DNAH3: variants seen among roughly 807,000 people sequenced by gnomAD.
DNAH3 encodes the protein axonemal beta dynein heavy chain 3.
A neutral mutation model predicts 432.5 loss-of-function variants in DNAH3; 332 were observed. That is an observed-to-expected ratio of 0.77 (90% CI 0.70 to 0.84). The LOEUF (loss-of-function observed/expected upper bound fraction) is 0.84. DNAH3 is among the 40% of genes least tolerant of loss of function. DNAH3 has a pLI of 0.00. For missense variants in DNAH3, 4,861 were observed against 5,114.0 expected (o/e 0.95, Z 1.51); for synonymous variants, 1,956 against 1,900.2 (o/e 1.03, Z -0.76).
chr16:20,948,568 A>G (rs2084162519), exon 57 of DNAH3: 1 of 1,614,140 alleles, frequency 6.2e-7, no homozygotes, highest in East Asian at 2.2e-5. Context: ...ACAGTAGAAC[A>G]TGGACAGAAG....
rs543692940 is a variant in DNAH3 at position 21,061,601 on chromosome 16, A to T, written c.3720+881T>A. ...AGAAGGCAAATGAAACATTTATGTC[A>T]GTTCATAAAATAAATTGCATCTTTT... On this transcript the variant is annotated intron_variant, in intron 25 of 61. Transcript: ENST00000261383. Among the ~76,000 whole-genome samples the T allele has an allele frequency of 4.6e-5, 7 of 152,336 alleles. No individual in the cohort carries two copies. In the South Asian group the frequency reaches 1.0e-3, roughly 23 times the overall value.
chr16:21,081,539 A>T, intron 20 of DNAH3, 97 bp downstream of exon 20: 1 of 1,003,604 alleles, frequency 1.0e-6, no homozygotes, highest in East Asian at 2.5e-5. Flanking sequence ...ACAAGGAAAA[A>T]AAAACAAACA....
chr16:21,033,119 CCT>C (rs1455334506), intron 36 of DNAH3, among the ~76,000 whole-genome samples: 2 of 152,074 alleles, frequency 1.3e-5, no homozygotes, highest in African/African-American at 2.4e-5. Flanking sequence ...GGTGTGAGCC[CCT>C]GTTCCCTGCC....
intron 28 of DNAH3, 107 bp from the exon 29 acceptor site, chr16:21,051,975 A>T: frequency 1.2e-6 from 1 of 842,100 alleles, no homozygotes; most frequent in Non-Finnish European, 1.9e-6. Context: ...CCATTCTCCA[A>T]ACTATTTTAT....
chr16:21,153,971 T>G (rs1212462121), intron 1 of DNAH3, among the ~76,000 whole-genome samples: 2 of 152,198 alleles, frequency 1.3e-5, no homozygotes, highest in Non-Finnish European at 2.9e-5. Flanking sequence ...CGGTTTCAAA[T>G]AGCATTTGGA....
chr16:21,143,307 G>GT (rs111935322), intron 3 of DNAH3, among the ~76,000 whole-genome samples: 5,775 of 152,216 alleles, frequency 0.038, 176 homozygotes, highest in East Asian at 0.18. Context: ...AGGTGACTAG[G>GT]TCATGAGGGC....
chr16:20,972,285 G>C (rs1181204710), intron 51 of DNAH3, among the ~76,000 whole-genome samples: 2 of 151,070 alleles, frequency 1.3e-5, no homozygotes, highest in African/African-American at 4.9e-5. Flanking sequence ...CCAGGCTAGA[G>C]TGCAGTGGTG....
At chr16:20,953,163 GT>G (rs71149202) in intron 55 of DNAH3, among the ~76,000 whole-genome samples, 91 of 143,654 alleles carry the variant, frequency 6.3e-4, no homozygotes, top group Middle Eastern at 3.5e-3. Flanking sequence ...TTTGTTTGTT[GT>G]TTTTTTTTTT....
chr16:21,036,065 CAAA>C (rs772833546), intron 35 of DNAH3, among the ~76,000 whole-genome samples: 34 of 152,206 alleles, frequency 2.2e-4, no homozygotes, highest in Non-Finnish European at 4.1e-4. Context: ...AATCTCACAG[CAAA>C]AAATGATGGG....
At chr16:21,023,768 G>A (rs933802931) in intron 39 of DNAH3, among the ~76,000 whole-genome samples, 3 of 147,568 alleles carry the variant, frequency 2.0e-5, no homozygotes, top group Non-Finnish European at 4.4e-5. Context: ...ACATATATGG[G>A]GACTTGGCAG....
At chr16:21,047,401 C>T (rs1597234855) in intron 31 of DNAH3, among the ~76,000 whole-genome samples, 1 of 151,444 alleles carries the variant, frequency 6.6e-6, no homozygotes, top group African/African-American at 2.4e-5. Flanking sequence ...CTCTAGACTT[C>T]CCTTCTCGCT....
intron 1 of DNAH3, among the ~76,000 whole-genome samples, chr16:21,152,970 C>T (rs2092871936): frequency 6.6e-6 from 1 of 152,222 alleles, no homozygotes; most frequent in South Asian, 2.1e-4. Context: ...CACCCAAGGG[C>T]TGAGGAGTGC....
At chr16:21,070,906 T>G in intron 21 of DNAH3, 80 bp from the exon 22 acceptor site, 1 of 916,212 alleles carries the variant, frequency 1.1e-6, no homozygotes, top group East Asian at 2.5e-5. Flanking sequence ...ATTTATTTAT[T>G]TGAGACAGGG....
chr16:21,005,827 C>G (rs987576140), intron 41 of DNAH3, among the ~76,000 whole-genome samples: 1 of 149,516 alleles, frequency 6.7e-6, no homozygotes, highest in Non-Finnish European at 1.5e-5. Flanking sequence ...GGTATGCAGA[C>G]ATTGCTCTAT....
intron 16 of DNAH3, 153 bp downstream of exon 16, chr16:21,104,318 A>C: frequency 1.5e-6 from 1 of 686,502 alleles, no homozygotes; most frequent in Non-Finnish European, 2.6e-6. Flanking sequence ...GTGGGAAACC[A>C]AAGGAAATGC....
chr16:21,123,798 T>TC (rs893344041), intron 9 of DNAH3, among the ~76,000 whole-genome samples: 1 of 145,300 alleles, frequency 6.9e-6, no homozygotes, highest in Non-Finnish European at 1.5e-5. Flanking sequence ...GTTTTCTCTC[T>TC]TTTTTTTTTT....
At chr16:21,084,552 G>C (rs2091300124) in intron 19 of DNAH3, among the ~76,000 whole-genome samples, 1 of 152,038 alleles carries the variant, frequency 6.6e-6, no homozygotes, top group African/African-American at 2.4e-5. Context: ...AGACTCCTGG[G>C]CTCAAGCGAT....
rs1244368903 is a variant in DNAH3, at chr16:21,097,376, T to C, written c.2644A>G (p.Lys882Glu). The change falls in exon 18 of 62, where the codon AAG (lysine) becomes GAG (glutamate). Residue 882 changes from lysine to glutamate, a missense_variant. Transcript: ENST00000261383. ...ATACCATTCATCCATTCCTCTGACT[T>C]GATGCTGAACTCATAGGCTGTCGAC... is the stretch of plus-strand genomic sequence containing the variant. 7 of 1,613,920 alleles carry C rather than the reference T, an allele frequency of 4.3e-6. No individual in the cohort carries two copies. Among genetic ancestry groups the C allele is most frequent in the Non-Finnish European group, 5.9e-6 (7 of 1,179,924 alleles).
Position 21,058,082 on chromosome 16 carries a change from T to G in DNAH3, c.3924+4A>C, listed in dbSNP as rs1454166445. On this transcript the variant is annotated splice_donor_region_variant and intron_variant, in intron 27 of 61. Coordinates refer to ENST00000261383, the Ensembl canonical transcript of DNAH3. Reference sequence around the variant, plus strand: ...TTCTGTAACTTTGCAGCAAGTTCACTTACCAGTAAGGTATTTTCCGCCAGG... The same window carrying G: ...TTCTGTAACTTTGCAGCAAGTTCACGTACCAGTAAGGTATTTTCCGCCAGG... 6.5e-7 allele frequency: 1 copy of G among 1,538,628 alleles called. No homozygotes were observed. The highest frequency in any genetic ancestry group is 1.1e-5 in the South Asian group (1 of 89,478).
Sources: allele counts gnomAD v4.1 joint callset (sites outside exome capture counted in the v4.1 genomes callset), GRCh38; gene constraint gnomAD v4.1.1; transcripts MANE v1.5; gene names NCBI Gene and HGNC (gene_info 2026-07-23, HGNC 2026-07-21).